The following SYTL2 variants were observed in gnomAD, a reference collection of about 807,000 sequenced individuals.
SYTL2 encodes the protein synaptotagmin-like protein 2.
A neutral mutation model predicts 198.7 loss-of-function variants in SYTL2; 165 were observed. The observed-to-expected ratio is 0.83, with a 90% CI of 0.73 to 0.94. SYTL2 has a LOEUF of 0.94. Ranked by LOEUF, SYTL2 falls within the 40% of genes least tolerant of loss-of-function variation. The probability of loss-of-function intolerance (pLI) is 0.00; values close to 1 mark genes in which losing one functional copy is unlikely to be tolerated. For missense variants in SYTL2, 2,835 were observed against 2,582.8 expected, an observed-to-expected ratio of 1.10 and a Z score of -2.12; for synonymous variants, 966 against 917.7, an observed-to-expected ratio of 1.05 and a Z score of -0.95.
chr11:85,845,780 G>A, the SYTL2 span, among the ~76,000 whole-genome samples: 1 of 152,112 alleles, frequency 6.6e-6, no homozygotes, highest in Non-Finnish European at 1.5e-5. Flanking sequence ...GCCGGGCATG[G>A]TGGCAGGCAC....
intron 13 of SYTL2, 146 bp downstream of exon 13, chr11:85,710,967 A>G (rs1193460852): frequency 5.2e-6 from 4 of 770,610 alleles, no homozygotes; most frequent in Non-Finnish European, 7.9e-6. Flanking sequence ...AGATAGATGT[A>G]GCTAGCCAGA....
the SYTL2 span, among the ~76,000 whole-genome samples, chr11:85,833,704 A>C: frequency 1.3e-5 from 2 of 151,166 alleles, no homozygotes; most frequent in Non-Finnish European, 2.9e-5. Context: ...AACTTTCAGG[A>C]AAAGGACCTT....
the SYTL2 span, among the ~76,000 whole-genome samples, chr11:85,833,729 C>CTTTTTT: frequency 3.3e-5 from 4 of 121,162 alleles, no homozygotes; most frequent in Non-Finnish European, 3.4e-5. Context: ...TCGAAGATTT[C>CTTTTTT]TTTTTTTTTT....
rs534606323 is a variant in SYTL2, at chr11:85,712,116, T to C, written c.5626-884A>G. Among the ~76,000 whole-genome samples the C allele has an allele frequency of 1.2e-4, 18 of 152,130 alleles. No homozygotes were observed. The South Asian group carries it at 1.9e-3, about 16-fold the overall frequency. ...GGGGTTAAGGGACACCTTTATGGAG[T>C]AGTTAGTTCATGCCAGCATATTCCA... On this transcript the variant is annotated intron_variant, in intron 12 of 19. Transcript: ENST00000359152.
rs779858626 is a variant in SYTL2, at chr11:85,704,996, C to G, written c.6051G>C (p.Gln2017His). Residue 2017 changes from glutamine to histidine, a missense_variant, in exon 16 of 20, where the codon CAG becomes CAC. Physicochemically the swap from Gln to His is conservative, Grantham distance 24 (BLOSUM62 0). This residue lies in a region of SYTL2 where 2,645 missense variants were observed against 2,381.7 expected (regional missense o/e 1.11). Coordinates refer to ENST00000359152, the MANE Select transcript of SYTL2 (RefSeq NM_206927.4). ...GATGCCAAATGGACAGGTTCAATTT[C>G]TGTGTCTTTAAGATTTGTTTTTCAA... is the stretch of plus-strand genomic sequence containing the variant. ...YKIEKQILKTQKLNLSIWHRD... is the reference protein window; with the variant it reads ...YKIEKQILKTHKLNLSIWHRD... The G allele has an allele frequency of 8.1e-5, 130 of 1,612,708 alleles. No individual in the cohort carries two copies. The highest frequency in any genetic ancestry group is 9.9e-5 in the Non-Finnish European group (117 of 1,179,234).
chr11:85,759,123 G>A lies in SYTL2; in HGVS notation c.-389-1009C>T, dbSNP rs539334937. Among the ~76,000 whole-genome samples the A allele has an allele frequency of 1.3e-4, 19 of 151,982 alleles. No homozygotes were observed. The East Asian group carries it at 3.5e-3, about 28-fold the overall frequency. On this transcript the variant is annotated intron_variant, in intron 1 of 19. Coordinates refer to ENST00000359152, the MANE Select transcript of SYTL2 (RefSeq NM_206927.4). ...TAGCTGGGTGTGGTGACACACGCCT[G>A]TAATCCCAGCTACTCAGGAGGCTGA...
chr11:85,714,763 A>G, intron 11 of SYTL2: 1 of 944,338 alleles, frequency 1.1e-6, no homozygotes, highest in East Asian at 5.9e-5. Flanking sequence ...GTTTTTATTG[A>G]ACTGGAGCTG....
At position 85,787,171 on chromosome 11, in the gene SYTL2, C is replaced by T. The variant is rs1015574420; in HGVS notation, c.-390+23783G>A. ...GTTTAGAGATCTGCCCTAATTATTT[C>T]TTGTGTGTTCTTGTGCCAGCTTATT... On this transcript the variant is annotated intron_variant, in intron 1 of 19. Coordinates refer to ENST00000359152, the MANE Select transcript of SYTL2 (RefSeq NM_206927.4). Among the ~76,000 whole-genome samples the T allele has an allele frequency of 2.6e-5, 4 of 152,264 alleles. No individual in the cohort carries two copies. The South Asian group carries it at 8.3e-4, about 32-fold the overall frequency.
At chr11:85,716,136 A>G (rs2087191874) in intron 11 of SYTL2, 1 of 152,226 alleles carries the variant, frequency 6.6e-6, no homozygotes, top group African/African-American at 2.4e-5. Context: ...TCATGAATAA[A>G]GATACAGATA....
chr11:85,832,829 A>T, the SYTL2 span, among the ~76,000 whole-genome samples: 11 of 139,842 alleles, frequency 7.9e-5, no homozygotes, highest in Non-Finnish European at 1.2e-4. Context: ...TTGTATCTAC[A>T]AAAAAAAAAA....
intron 1 of SYTL2, among the ~76,000 whole-genome samples, chr11:85,797,972 G>C (rs1304095260): frequency 1.3e-5 from 2 of 151,270 alleles, no homozygotes; most frequent in Non-Finnish European, 2.9e-5. Flanking sequence ...TCCTGCCTCA[G>C]CCTCCCGAGT....
intron 6 of SYTL2, among the ~76,000 whole-genome samples, chr11:85,735,036 A>C (rs1020427260): frequency 2.0e-5 from 3 of 152,210 alleles, no homozygotes; most frequent in Non-Finnish European, 4.4e-5. Context: ...CCTGATGTAA[A>C]CGATGTACTT....
chr11:85,849,078 A>G, the SYTL2 span, among the ~76,000 whole-genome samples: 1 of 152,246 alleles, frequency 6.6e-6, no homozygotes. Flanking sequence ...CAACGTGACA[A>G]TGGACGTTGG....
chr11:85,723,873 A>G (rs753933683), intron 8 of SYTL2, among the ~76,000 whole-genome samples, 159 bp downstream of exon 8: 6 of 151,426 alleles, frequency 4.0e-5, no homozygotes, highest in Non-Finnish European at 8.8e-5. Flanking sequence ...AAATATAAAT[A>G]ATTTTTTTAA....
At chr11:85,730,017 C>A (rs573208218) in intron 7 of SYTL2, among the ~76,000 whole-genome samples, 2 of 152,168 alleles carry the variant, frequency 1.3e-5, no homozygotes, top group Non-Finnish European at 2.9e-5. Context: ...TTCCTGGACA[C>A]ACACACCCTC....
At chr11:85,803,760 T>C (rs1164233857) in intron 1 of SYTL2, among the ~76,000 whole-genome samples, 3 of 152,240 alleles carry the variant, frequency 2.0e-5, no homozygotes, top group Admixed American at 1.3e-4. Flanking sequence ...AATTGTTTGT[T>C]TGGCCATTTA....
At chr11:85,742,324 T>C (rs2153513218) in intron 4 of SYTL2, among the ~76,000 whole-genome samples, 1 of 152,336 alleles carries the variant, frequency 6.6e-6, no homozygotes, top group South Asian at 2.1e-4. Flanking sequence ...AGCTTCTTAG[T>C]AAAACCAGAA....
At chr11:85,799,848 T>C (rs1332320384) in intron 1 of SYTL2, among the ~76,000 whole-genome samples, 1 of 152,204 alleles carries the variant, frequency 6.6e-6, no homozygotes, top group East Asian at 1.9e-4. Context: ...CCTAAAACAA[T>C]TTGGCACACA....
At chr11:85,809,845 A>G (rs1419370930) in intron 1 of SYTL2, among the ~76,000 whole-genome samples, 1 of 152,110 alleles carries the variant, frequency 6.6e-6, no homozygotes, top group African/African-American at 2.4e-5. Flanking sequence ...ATACCACACT[A>G]AGGGTGAGAA....
Sources: allele counts gnomAD v4.1 joint callset (sites outside exome capture counted in the v4.1 genomes callset), GRCh38; gene constraint gnomAD v4.1.1; regional missense constraint gnomAD v4.1.1; transcripts MANE v1.5; gene names NCBI Gene and HGNC (gene_info 2026-07-23, HGNC 2026-07-21).